Variants in C10orf67 observed in about 807,000 individuals in gnomAD.
The protein encoded by C10orf67 is chromosome 10 open reading frame 67.
C10orf67 carries 60 observed loss-of-function variants against 35.6 expected under a neutral mutation model. That is an observed-to-expected ratio of 1.68 (90% CI 1.37 to 2.09). The LOEUF is 2.09. Among genes scored for constraint, C10orf67 ranks in the 30% most tolerant of loss-of-function variants. C10orf67 has a pLI of 0.00. For synonymous variants in C10orf67, 167 were observed against 115.8 expected (o/e 1.44, Z -2.84); for missense variants, 474 against 330.2 (o/e 1.44, Z -3.38).
At chr10:23,205,550 T>G (rs1841135338) in intron 15 of C10orf67, among the ~76,000 whole-genome samples, 1 of 152,248 alleles carries the variant, frequency 6.6e-6, no homozygotes, top group African/African-American at 2.4e-5. Context: ...GTTCTGGTAG[T>G]ACAATGTTGA....
At chr10:23,239,846 A>G (rs1228635633) in intron 12 of C10orf67, 30 bp from the exon 13 acceptor site, 1 of 601,034 alleles carries the variant, frequency 1.7e-6, no homozygotes, top group Non-Finnish European at 3.3e-6. Flanking sequence ...GAAACTTAAA[A>G]TGTATGTAAA....
At chr10:23,206,712 A>G (rs1341816818) in intron 15 of C10orf67, among the ~76,000 whole-genome samples, 1 of 152,228 alleles carries the variant, frequency 6.6e-6, no homozygotes, top group Non-Finnish European at 1.5e-5. Context: ...ATTCAGTATC[A>G]CAAACATATA....
At chr10:23,266,782 G>A (rs988982841) in intron 9 of C10orf67, among the ~76,000 whole-genome samples, 1 of 152,174 alleles carries the variant, frequency 6.6e-6, no homozygotes, top group Non-Finnish European at 1.5e-5. Flanking sequence ...TAGGAAGGAT[G>A]AGGATATCAG....
At chr10:23,285,619 G>A (rs79092257) in intron 7 of C10orf67, among the ~76,000 whole-genome samples, 147 of 152,114 alleles carry the variant, frequency 9.7e-4, no homozygotes, top group Middle Eastern at 6.8e-3. Flanking sequence ...GAAATCTAGT[G>A]TGTATTTTTC....
chr10:23,225,775 G>A (rs989311084), intron 13 of C10orf67, among the ~76,000 whole-genome samples: 1 of 152,112 alleles, frequency 6.6e-6, no homozygotes, highest in African/African-American at 2.4e-5. Flanking sequence ...GACAAAGCAG[G>A]CCATTACGTA....
intron 13 of C10orf67, among the ~76,000 whole-genome samples, chr10:23,225,065 A>T (rs959340176): frequency 2.6e-5 from 4 of 152,152 alleles, no homozygotes; most frequent in Non-Finnish European, 4.4e-5. Context: ...GACACATAAT[A>T]GTCAGATTCA....
At chr10:23,292,004 A>G (rs1843731824) in intron 5 of C10orf67, among the ~76,000 whole-genome samples, 2 of 152,170 alleles carry the variant, frequency 1.3e-5, no homozygotes, top group African/African-American at 4.8e-5. Context: ...AGAAGGTTTC[A>G]GGATAACTTA....
At chr10:23,279,211 G>T (rs1843290273) in intron 8 of C10orf67, among the ~76,000 whole-genome samples, 1 of 152,196 alleles carries the variant, frequency 6.6e-6, no homozygotes, top group African/African-American at 2.4e-5. Flanking sequence ...GCGAGACAGG[G>T]ACCACATGGA....
intron 13 of C10orf67, among the ~76,000 whole-genome samples, chr10:23,233,138 C>G (rs1270777828): frequency 6.6e-6 from 1 of 152,088 alleles, no homozygotes; most frequent in Non-Finnish European, 1.5e-5. Context: ...GTCTGGGTGA[C>G]AGAGGAAGAC....
chr10:23,305,598 C>G (rs1208066306), intron 4 of C10orf67, among the ~76,000 whole-genome samples: 1 of 152,090 alleles, frequency 6.6e-6, no homozygotes, highest in Non-Finnish European at 1.5e-5. Flanking sequence ...AGATGCAAAT[C>G]AAAACTACAA....
chr10:23,327,767 G>A (rs1845253367), intron 2 of C10orf67, among the ~76,000 whole-genome samples: 1 of 151,836 alleles, frequency 6.6e-6, no homozygotes, highest in Non-Finnish European at 1.5e-5. Flanking sequence ...GGAGGTTGCA[G>A]TGAGAAGAGA....
intron 15 of C10orf67, among the ~76,000 whole-genome samples, chr10:23,215,642 ACT>A (rs1459561932): frequency 6.6e-6 from 1 of 152,150 alleles, no homozygotes; most frequent in Non-Finnish European, 1.5e-5. Context: ...AATCCTTCCC[ACT>A]GAGTCGAGTA....
chr10:23,232,845 T>G lies in C10orf67; in HGVS notation c.1434+6884A>C, dbSNP rs1298387565. ...AAAAGAAACAAAAACAGATCCCAGATCCCACAACAGCAGTCATTAAAAGTG... is the reference window on the plus strand; with the variant it reads ...AAAAGAAACAAAAACAGATCCCAGAGCCCACAACAGCAGTCATTAAAAGTG... On this transcript the variant is annotated intron_variant, in intron 13 of 15. Transcript: ENST00000636213. Among the ~76,000 whole-genome samples the G allele has an allele frequency of 2.6e-5, 4 of 152,192 alleles. No homozygotes were observed. In the East Asian group the frequency reaches 5.8e-4, roughly 22 times the overall value.
At chr10:23,218,972 G>A (rs576798388) in intron 15 of C10orf67, among the ~76,000 whole-genome samples, 12 of 152,240 alleles carry the variant, frequency 7.9e-5, no homozygotes, top group African/African-American at 1.2e-4. Flanking sequence ...AATTTCTTAC[G>A]TGATTTTAAA....
intron 4 of C10orf67, chr10:23,317,617 ATATT>A (rs1420433553): frequency 6.6e-6 from 1 of 152,222 alleles, no homozygotes; most frequent in African/African-American, 2.4e-5. Context: ...GTGACAAAAA[ATATT>A]TATTCTCAGT....
chr10:23,332,406 G>T (rs1435091211), intron 2 of C10orf67, among the ~76,000 whole-genome samples: 1 of 152,132 alleles, frequency 6.6e-6, no homozygotes, highest in Non-Finnish European at 1.5e-5. Context: ...ATCCAGGCCA[G>T]GCACGATGGC....
intron 13 of C10orf67, among the ~76,000 whole-genome samples, chr10:23,231,972 C>T (rs55959798): frequency 0.031 from 4,681 of 151,998 alleles, 225 homozygotes; most frequent in African/African-American, 0.11. Context: ...AACAACATAC[C>T]GCTTAGAACT....
chr10:23,263,737 C>T (rs1487583815), intron 10 of C10orf67, among the ~76,000 whole-genome samples: 1 of 152,206 alleles, frequency 6.6e-6, no homozygotes, highest in Non-Finnish European at 1.5e-5. Flanking sequence ...TAACTAATTA[C>T]TCAGGGTCGG....
chr10:23,302,839 G>A (rs562897667), intron 5 of C10orf67, among the ~76,000 whole-genome samples: 3 of 152,278 alleles, frequency 2.0e-5, no homozygotes, highest in South Asian at 2.1e-4. Context: ...GAAAAACTGA[G>A]GGGAAAATCC....
Sources: allele counts gnomAD v4.1 joint callset (sites outside exome capture counted in the v4.1 genomes callset), GRCh38; gene constraint gnomAD v4.1.1; transcripts MANE v1.5; gene names NCBI Gene and HGNC (gene_info 2026-07-23, HGNC 2026-07-21).